GAS7: variants seen among roughly 807,000 people sequenced by gnomAD.
GAS7 encodes the protein growth arrest-specific protein 7.
A neutral mutation model predicts 71.1 loss-of-function variants in GAS7; 28 were observed. The ratio of observed to expected loss-of-function variants is 0.39; its 90% CI spans 0.29 to 0.54. The LOEUF (loss-of-function observed/expected upper bound fraction) is 0.54, where lower values mean the gene tolerates loss of function less well. Ranked by LOEUF, GAS7 falls within the 20% of genes least tolerant of loss-of-function variation. The probability of loss-of-function intolerance (pLI) is 0.62; values close to 1 mark genes in which losing one functional copy is unlikely to be tolerated. For synonymous variants in GAS7, 258 were observed against 245.8 expected (o/e 1.05, Z -0.46); for missense variants, 436 against 627.8 (o/e 0.69, Z 3.27).
chr17:10,134,100 C>T (rs561283557), intron 1 of GAS7, among the ~76,000 whole-genome samples: 4 of 151,978 alleles, frequency 2.6e-5, no homozygotes, highest in South Asian at 2.1e-4. Context: ...GCGCGATCTC[C>T]GCTCACTGCA....
intron 1 of GAS7, among the ~76,000 whole-genome samples, chr17:10,094,468 T>C (rs572096306): frequency 6.6e-6 from 1 of 152,182 alleles, no homozygotes; most frequent in African/African-American, 2.4e-5. Flanking sequence ...TTTTTCTTTT[T>C]CTTTTTTTTC....
chr17:10,077,742 T>C (rs759216205), intron 1 of GAS7, among the ~76,000 whole-genome samples: 1 of 152,208 alleles, frequency 6.6e-6, no homozygotes, highest in Non-Finnish European at 1.5e-5. Context: ...CTTGTTTACA[T>C]ACTGCAGATT....
chr17:10,198,372 G>T lies in GAS7; in HGVS notation c.19C>A (p.Arg7=). MSGARC[R]TLYPFSGERH... Reference sequence around the variant, plus strand: ...TCCCCGGAGAAGGGGTACAGGGTCCGGCAGCGAGCGCCGGACATGGCCTTG... The same window carrying T: ...TCCCCGGAGAAGGGGTACAGGGTCCTGCAGCGAGCGCCGGACATGGCCTTG... Residue 7 remains arginine (R), a synonymous_variant, in exon 1 of 14, where the codon CGG becomes AGG. Coordinates refer to ENST00000432992, the MANE Select transcript of GAS7 (RefSeq NM_201433.2). 1 of 1,588,592 alleles carries T rather than the reference G, an allele frequency of 6.3e-7. No homozygotes were observed.
chr17:9,991,822 T>G (rs546924094), intron 2 of GAS7, among the ~76,000 whole-genome samples: 2 of 151,752 alleles, frequency 1.3e-5, no homozygotes, highest in Non-Finnish European at 2.9e-5. Context: ...CAGGTGCTGG[T>G]AACCCACTGC....
chr17:10,012,006 A>G (rs1046391893), intron 2 of GAS7, among the ~76,000 whole-genome samples: 5 of 151,940 alleles, frequency 3.3e-5, no homozygotes, highest in African/African-American at 1.2e-4. Context: ...ATACCATCTC[A>G]AATGGTACTC....
At chr17:10,004,061 C>T (rs766059634) in intron 2 of GAS7, among the ~76,000 whole-genome samples, 2 of 152,160 alleles carry the variant, frequency 1.3e-5, no homozygotes, top group Non-Finnish European at 2.9e-5. Flanking sequence ...CTCACAGCCT[C>T]GTAGGGTGTT....
At position 10,103,375 on chromosome 17, in the gene GAS7, T is replaced by C. The variant is rs953634491; in HGVS notation, c.184-83478A>G. ...AAACAAACCAACCAACCAACCCCCATGTAGTTGGTTTGCACATTTAAATTT... is the reference window on the plus strand; with the variant it reads ...AAACAAACCAACCAACCAACCCCCACGTAGTTGGTTTGCACATTTAAATTT... On this transcript the variant is annotated intron_variant, in intron 1 of 13. Transcript: ENST00000432992. The surrounding 1 kb of genome is among the most constrained non-coding windows in gnomAD (Gnocchi z 5.5). Among the ~76,000 whole-genome samples the C allele has an allele frequency of 1.3e-5, 2 of 152,070 alleles. No homozygotes were observed. Among genetic ancestry groups the C allele is most frequent in the East Asian group, 1.9e-4 (1 of 5,186 alleles).
chr17:9,987,980 G>C (rs927711569), intron 2 of GAS7, among the ~76,000 whole-genome samples: 9 of 152,210 alleles, frequency 5.9e-5, no homozygotes, highest in Non-Finnish European at 1.2e-4. Context: ...TTCTTGGCTT[G>C]TGCCGGCTCT....
intron 8 of GAS7, among the ~76,000 whole-genome samples, 154 bp from the exon 9 acceptor site, chr17:9,934,398 T>A (rs971782369): frequency 5.3e-5 from 8 of 152,024 alleles, no homozygotes. Flanking sequence ...GACATGAGCA[T>A]CACGTTTCAA....
intron 1 of GAS7, among the ~76,000 whole-genome samples, chr17:10,099,581 G>A (rs182491311): frequency 3.2e-4 from 49 of 152,140 alleles, no homozygotes; most frequent in Middle Eastern, 3.4e-3. Flanking sequence ...TTTGGACGGC[G>A]GGGGAGTGGA....
chr17:10,143,686 G>T (rs569839218), intron 1 of GAS7, among the ~76,000 whole-genome samples: 4 of 152,180 alleles, frequency 2.6e-5, no homozygotes, highest in African/African-American at 9.7e-5. Context: ...GGAGGACCAC[G>T]TGAGGACACA....
intron 1 of GAS7, among the ~76,000 whole-genome samples, chr17:10,144,837 T>C (rs1381539922): frequency 6.6e-6 from 1 of 152,194 alleles, no homozygotes; most frequent in Non-Finnish European, 1.5e-5. Flanking sequence ...CGTGAGCCAC[T>C]GCGCCTGGCC....
rs397857973 is a variant in GAS7 at position 10,153,038 on chromosome 17, CAAAA to C, written c.183+45166_183+45169del. Among the ~76,000 whole-genome samples, 113 of 75,978 alleles carry C rather than the reference CAAAA, an allele frequency of 1.5e-3. 1 individual carries two copies. Among genetic ancestry groups the C allele is most frequent in the African/African-American group, 4.8e-3 (109 of 22,788 alleles). 49.8% of individuals were successfully genotyped at this position (75,978 alleles called of 152,430 possible). A position where few individuals can be genotyped will look rare whatever the true frequency, so the allele number is the denominator to read the frequency against. On this transcript the variant is annotated intron_variant, in intron 1 of 13. Transcript: ENST00000432992. Reference sequence around the variant, plus strand: ...TAAAACCCCATCCCCACTAAAAATACAAAAAAAAAAAAAAAAAAAAATTAGCTGG... The same window carrying C: ...TAAAACCCCATCCCCACTAAAAATACAAAAAAAAAAAAAAAAATTAGCTGG...
intron 1 of GAS7, among the ~76,000 whole-genome samples, chr17:10,086,941 G>A (rs1483936303): frequency 8.5e-5 from 13 of 152,224 alleles, no homozygotes; most frequent in Admixed American, 8.5e-4. Flanking sequence ...GGGGTCCAGA[G>A]GCTGCAAGGA....
intron 1 of GAS7, among the ~76,000 whole-genome samples, chr17:10,128,010 G>A (rs770279540): frequency 8.5e-5 from 13 of 152,176 alleles, no homozygotes; most frequent in Non-Finnish European, 1.5e-4. Flanking sequence ...GATGGACTCC[G>A]AGGGGAGGCA....
intron 1 of GAS7, among the ~76,000 whole-genome samples, chr17:10,158,348 A>AAAAAAAAAAAAAC (rs2074222377): frequency 6.8e-6 from 1 of 146,178 alleles, no homozygotes. Context: ...AAAAAAAAAA[A>AAAAAAAAAAAAAC]AAAAAAAAAA....
chr17:10,096,658 T>G (rs1463322817), intron 1 of GAS7, among the ~76,000 whole-genome samples: 1 of 150,650 alleles, frequency 6.6e-6, no homozygotes, highest in African/African-American at 2.4e-5. Flanking sequence ...CACCTGGTTC[T>G]GACAAGCCAC....
At chr17:9,978,797 AGCT>A (rs1156799116) in intron 3 of GAS7, among the ~76,000 whole-genome samples, 1 of 152,180 alleles carries the variant, frequency 6.6e-6, no homozygotes, top group East Asian at 1.9e-4. Context: ...TGACGTAGGG[AGCT>A]GCTGCTTCTT....
chr17:10,118,822 G>T (rs57710533), intron 1 of GAS7, among the ~76,000 whole-genome samples: 16,505 of 151,914 alleles, frequency 0.11, 1,147 homozygotes, highest in African/African-American at 0.18. Context: ...CCCAGCGCAG[G>T]TGGCCAGCCT....
Sources: gnomAD v4.1 joint callset for allele counts (sites outside exome capture counted in the v4.1 genomes callset) on GRCh38, gnomAD v4.1.1 for gene constraint, Gnocchi (gnomAD v3.1) non-coding constraint, MANE v1.5 for transcripts, NCBI Gene and HGNC (gene_info 2026-07-23, HGNC 2026-07-21) for gene names.